Variants in NALF1 observed in about 807,000 individuals in gnomAD.
NALF1 encodes family with sequence similarity 155 member A.
NALF1 carries 3 observed loss-of-function variants against 48.4 expected under a neutral mutation model. That is an observed-to-expected ratio of 0.06 (90% CI 0.03 to 0.16). The LOEUF is 0.16. Ranked by LOEUF, NALF1 falls within the 10% of genes least tolerant of loss-of-function variation. NALF1 has a pLI of 1.00. For synonymous variants in NALF1, 262 were observed against 245.7 expected (o/e 1.07, Z -0.62); for missense variants, 526 against 571.5 (o/e 0.92, Z 0.81).
intron 1 of NALF1, among the ~76,000 whole-genome samples, chr13:107,588,830 C>T (rs1049563049): frequency 2.0e-5 from 3 of 151,950 alleles, no homozygotes; most frequent in Non-Finnish European, 2.9e-5. Flanking sequence ...AAAAGAAAGC[C>T]GAATCCTTAA....
chr13:107,851,617 CAAG>C (rs1031591801), intron 1 of NALF1, among the ~76,000 whole-genome samples: 2 of 152,052 alleles, frequency 1.3e-5, no homozygotes, highest in Admixed American at 1.3e-4. Flanking sequence ...CTTTCTTAAG[CAAG>C]GAGAAGGAAC....
chr13:107,469,869 G>A (rs991232694), intron 1 of NALF1, among the ~76,000 whole-genome samples: 1 of 146,924 alleles, frequency 6.8e-6, no homozygotes, highest in East Asian at 2.2e-4. Flanking sequence ...TCAGCCTCCC[G>A]AGTAGGTGGG....
intron 1 of NALF1, among the ~76,000 whole-genome samples, chr13:107,258,155 T>G (rs1880858250): frequency 6.6e-6 from 1 of 152,210 alleles, no homozygotes; most frequent in Admixed American, 6.5e-5. Flanking sequence ...CAAAGCAAAT[T>G]TTGTTCTGAC....
At chr13:107,835,230 T>C (rs1025586198) in intron 1 of NALF1, among the ~76,000 whole-genome samples, 4 of 152,192 alleles carry the variant, frequency 2.6e-5, no homozygotes, top group African/African-American at 4.8e-5. Context: ...ACACATAAAC[T>C]GGAACAACAG....
intron 1 of NALF1, among the ~76,000 whole-genome samples, chr13:107,678,736 A>G (rs1881198511): frequency 6.6e-6 from 1 of 152,202 alleles, no homozygotes; most frequent in Non-Finnish European, 1.5e-5. Context: ...CGGGGCAGGA[A>G]GGAGAAATGC....
intron 1 of NALF1, among the ~76,000 whole-genome samples, chr13:107,218,604 C>T (rs1283960441): frequency 3.0e-5 from 4 of 131,246 alleles, no homozygotes; most frequent in Non-Finnish European, 4.8e-5. Flanking sequence ...TATTGAAGGC[C>T]GAAAACAAAA....
intron 1 of NALF1, among the ~76,000 whole-genome samples, chr13:107,431,317 G>A (rs10492717): frequency 0.24 from 36,902 of 152,022 alleles, 4,742 homozygotes; most frequent in Admixed American, 0.29. Context: ...GGGTCTCTCC[G>A]TTTGCTTGAG....
chr13:107,426,912 TAC>T (rs1884290222), intron 1 of NALF1, among the ~76,000 whole-genome samples: 1 of 152,108 alleles, frequency 6.6e-6, no homozygotes, highest in Non-Finnish European at 1.5e-5. Flanking sequence ...TAAAATATCA[TAC>T]AGTTATTAAA....
intron 1 of NALF1, among the ~76,000 whole-genome samples, chr13:107,693,912 T>C (rs1276131814): frequency 6.6e-6 from 1 of 152,134 alleles, no homozygotes; most frequent in Non-Finnish European, 1.5e-5. Context: ...AGGTAAAAAT[T>C]ATCACCTTCA....
At chr13:107,291,056 T>C (rs1881611044) in intron 1 of NALF1, among the ~76,000 whole-genome samples, 1 of 151,518 alleles carries the variant, frequency 6.6e-6, no homozygotes, top group Non-Finnish European at 1.5e-5. Flanking sequence ...TTAACAACAT[T>C]GTACCTCTAT....
intron 1 of NALF1, among the ~76,000 whole-genome samples, chr13:107,593,862 T>C (rs1878667190): frequency 6.6e-6 from 1 of 151,276 alleles, no homozygotes; most frequent in African/African-American, 2.4e-5. Flanking sequence ...TGTTTAGAGA[T>C]TGTCTTGGAT....
chr13:107,568,083 T>C (rs1301605147), intron 1 of NALF1, among the ~76,000 whole-genome samples: 1 of 152,094 alleles, frequency 6.6e-6, no homozygotes, highest in Non-Finnish European at 1.5e-5. Context: ...GCTCAAACAA[T>C]CCTCCTGCTT....
intron 2 of NALF1, among the ~76,000 whole-genome samples, chr13:107,210,069 GACAC>G (rs34075188): frequency 6.6e-6 from 1 of 150,686 alleles, no homozygotes; most frequent in Non-Finnish European, 1.5e-5. Context: ...GGCTCTAATA[GACAC>G]ACACACACAC....
intron 1 of NALF1, among the ~76,000 whole-genome samples, chr13:107,553,374 T>TA (rs1236085866): frequency 3.3e-5 from 5 of 152,194 alleles, no homozygotes; most frequent in African/African-American, 1.2e-4. Flanking sequence ...ACCCGTTCCG[T>TA]ATTAGACTCA....
At chr13:107,800,572 TTAATA>T (rs1249192576) in intron 1 of NALF1, among the ~76,000 whole-genome samples, 2 of 147,830 alleles carry the variant, frequency 1.4e-5, no homozygotes, top group Admixed American at 6.8e-5. Flanking sequence ...TTTACTGTAT[TTAATA>T]TAATATACAA....
chr13:107,472,516 T>G (rs148458195), intron 1 of NALF1, among the ~76,000 whole-genome samples: 128 of 152,138 alleles, frequency 8.4e-4, no homozygotes, highest in Non-Finnish European at 1.5e-3. Flanking sequence ...CAACCCAGGT[T>G]GAGGGTGGGT....
At chr13:107,629,577 A>C (rs1879776013) in intron 1 of NALF1, among the ~76,000 whole-genome samples, 1 of 151,958 alleles carries the variant, frequency 6.6e-6, no homozygotes, top group South Asian at 2.1e-4. Context: ...AAAACCGTCT[A>C]AAACTCAGTA....
intron 1 of NALF1, among the ~76,000 whole-genome samples, chr13:107,539,029 C>A (rs1417112747): frequency 6.6e-6 from 1 of 151,788 alleles, no homozygotes; most frequent in Non-Finnish European, 1.5e-5. Flanking sequence ...TTTGCTAAAC[C>A]CTTGGTAGGT....
In NALF1 at chr13:107,358,671, G is replaced by A. The variant is rs559732493; in HGVS notation, c.916-147916C>T. Among the ~76,000 whole-genome samples, 62 of 152,284 alleles carry A rather than the reference G, an allele frequency of 4.1e-4. 2 individuals are homozygous for A. The South Asian group carries it at 0.012, about 31-fold the overall frequency. ...AATACCTTCTGCCATCATCAGAAGA[G>A]TAAACTCTATGGATGACCCCTGAAT... On this transcript the variant is annotated intron_variant, in intron 1 of 2. Transcript: ENST00000375915.
Sources: allele counts gnomAD v4.1 joint callset (sites outside exome capture counted in the v4.1 genomes callset), GRCh38; gene constraint gnomAD v4.1.1; transcripts MANE v1.5; gene names NCBI Gene and HGNC (gene_info 2026-07-23, HGNC 2026-07-21).